Variants in CMAS observed in about 807,000 individuals in gnomAD.
CMAS encodes cytidine monophosphate N-acetylneuraminic acid synthetase, also known as N-acylneuraminate cytidylyltransferase.
In CMAS, 21 loss-of-function variants were observed where a neutral mutation model predicts 53.4. The ratio of observed to expected loss-of-function variants is 0.39; its 90% CI spans 0.28 to 0.57. The LOEUF (loss-of-function observed/expected upper bound fraction) is 0.57, where lower values mean the gene tolerates loss of function less well. Among genes scored for constraint, CMAS ranks in the 20% least tolerant of loss-of-function variants. CMAS has a pLI of 0.56. For missense variants in CMAS, 384 were observed against 534.9 expected, an observed-to-expected ratio of 0.72 and a Z score of 2.78; for synonymous variants, 189 against 195.2, an observed-to-expected ratio of 0.97 and a Z score of 0.27.
At position 22,061,397 on chromosome 12, in the gene CMAS, C is replaced by T; in HGVS notation, c.905C>T (p.Ser302Phe). Reference sequence around the variant, plus strand: ...TCAGGAGACCAAAAAGAAATAATATCTTATGATGTAAAAGATGCTATTGGG... The same window carrying T: ...TCAGGAGACCAAAAAGAAATAATATTTTATGATGTAAAAGATGCTATTGGG... ...YVSGDQKEII[S>F]YDVKDAIGIS... Residue 302 changes from serine to phenylalanine, a missense_variant, in exon 6 of 8, where the codon TCT becomes TTT. By Grantham distance (155) the Ser-to-Phe change is radical (BLOSUM62 -2). Around this residue, in one of 3 missense-constraint regions of CMAS, gnomAD observed 134 missense variants for 154.6 expected, o/e 0.87. Transcript: ENST00000229329. 1 of 1,606,356 alleles carries T rather than the reference C, an allele frequency of 6.2e-7. No individual in the cohort carries two copies. The highest frequency in any genetic ancestry group is 8.5e-7 in the Non-Finnish European group (1 of 1,174,114).
At chr12:22,062,480 ATTAT>A in intron 7 of CMAS, 46 bp downstream of exon 7, 1 of 1,326,516 alleles carries the variant, frequency 7.5e-7, no homozygotes, top group Non-Finnish European at 1.0e-6. Context: ...CCAGGAATTA[ATTAT>A]TTACTTATTT....
chr12:22,055,056 T>C, intron 1 of CMAS, 93 bp from the exon 2 acceptor site: 1 of 848,098 alleles, frequency 1.2e-6, no homozygotes, highest in Non-Finnish European at 1.8e-6. Context: ...TATTCTCACA[T>C]TATATAAGCT....
intron 1 of CMAS, among the ~76,000 whole-genome samples, chr12:22,049,377 T>C (rs912926802): frequency 2.0e-5 from 3 of 152,178 alleles, no homozygotes; most frequent in Non-Finnish European, 4.4e-5. Context: ...CAGCAGGCAT[T>C]GGGGATTTTG....
intron 1 of CMAS, among the ~76,000 whole-genome samples, chr12:22,048,914 A>T (rs565702016): frequency 1.3e-3 from 205 of 152,270 alleles, no homozygotes; most frequent in African/African-American, 4.5e-3. Context: ...AGCACCCCTC[A>T]GTGCCTTTCC....
rs940890700 is a variant in CMAS, at chr12:22,065,426, G to GAT, written c.*126_*127dup. On this transcript the variant is annotated 3_prime_UTR_variant, in exon 8 of 8. Coordinates refer to ENST00000229329, the MANE Select transcript of CMAS (RefSeq NM_018686.6). ...TTACAGAGAGTGTGATTTGGTTTGT[G>GAT]ATATATATATATTGTGCTCTACTTT... 140 of 743,970 alleles carry GAT rather than the reference G, an allele frequency of 1.9e-4. No homozygotes were observed. The highest frequency in any genetic ancestry group is 1.2e-3 in the East Asian group (44 of 38,150). 46.1% of individuals were successfully genotyped at this position (743,970 alleles called of 1,614,324 possible). A position where few individuals can be genotyped will look rare whatever the true frequency, so the allele number is the denominator to read the frequency against.
chr12:22,048,715 G>A (rs1315457894), intron 1 of CMAS, among the ~76,000 whole-genome samples: 1 of 152,100 alleles, frequency 6.6e-6, no homozygotes, highest in Non-Finnish European at 1.5e-5. Flanking sequence ...AGTGAAATGC[G>A]AACATTCTAG....
intron 7 of CMAS, among the ~76,000 whole-genome samples, 155 bp from the exon 8 acceptor site, chr12:22,064,966 A>G (rs1328579812): frequency 1.3e-5 from 2 of 152,166 alleles, no homozygotes; most frequent in Non-Finnish European, 2.9e-5. Flanking sequence ...ACTGTAAAAT[A>G]TTTTTGTTCC....
At chr12:22,057,234 CACACAT>C (rs59127670) in intron 3 of CMAS, among the ~76,000 whole-genome samples, 1,495 of 123,918 alleles carry the variant, frequency 0.012, 15 homozygotes, top group African/African-American at 0.032. Flanking sequence ...ATTACACACA[CACACAT>C]ACACACACAC....
intron 6 of CMAS, among the ~76,000 whole-genome samples, chr12:22,061,811 T>C (rs1950309821): frequency 1.3e-5 from 2 of 152,196 alleles, no homozygotes; most frequent in South Asian, 2.1e-4. Context: ...CTTATTCTTA[T>C]GAATGACATT....
In CMAS at chr12:22,046,591, G is replaced by T; in HGVS notation, c.260+28G>T. ...GCGCATGTGCGAGAGTGGGCGGCGC[G>T]GCCTGGGCGGGGGTCGGGAGAGGGA... On this transcript the variant is annotated intron_variant, in intron 1 of 7. Transcript: ENST00000229329. The T allele has an allele frequency of 2.0e-6, 3 of 1,500,400 alleles. No individual in the cohort carries two copies. The South Asian group carries it at 4.0e-5, about 20-fold the overall frequency. 92.9% of individuals were successfully genotyped at this position (1,500,400 alleles called of 1,614,324 possible).
intron 1 of CMAS, among the ~76,000 whole-genome samples, chr12:22,053,109 C>A (rs539836302): frequency 2.0e-5 from 3 of 152,112 alleles, no homozygotes; most frequent in African/African-American, 7.2e-5. Context: ...TCCTGGCCAA[C>A]ATGGCAAAAC....
chr12:22,046,463 G>A lies in CMAS; in HGVS notation c.160G>A (p.Gly54Ser), dbSNP rs752322303. 1.6e-5 allele frequency: 25 copies of A among 1,610,282 alleles called. No homozygotes were observed. The highest frequency in any genetic ancestry group is 2.0e-5 in the Non-Finnish European group (24 of 1,178,736). The change falls in exon 1 of 8, where the codon GGC (glycine) becomes AGC (serine). Residue 54 changes from glycine (G) to serine (S), a missense_variant. Gly to Ser is a moderately conservative substitution (Grantham distance 56, BLOSUM62 0). Around this residue, in one of 3 missense-constraint regions of CMAS, gnomAD observed 111 missense variants for 132.2 expected, o/e 0.84. Transcript: ENST00000229329. ...HLAALILARG[G>S]SKGIPLKNIK... ...GGCAGCCCTAATTCTGGCCCGGGGAGGCAGCAAAGGCATCCCCCTGAAGAA... is the reference window on the plus strand; with the variant it reads ...GGCAGCCCTAATTCTGGCCCGGGGAAGCAGCAAAGGCATCCCCCTGAAGAA...
chr12:22,061,525 G>C (rs904943400), intron 6 of CMAS, 73 bp downstream of exon 6: 4 of 1,099,326 alleles, frequency 3.6e-6, no homozygotes, highest in Non-Finnish European at 3.7e-6. Flanking sequence ...AAGGAATTAA[G>C]AGATTTAAAT....
chr12:22,050,336 CA>C (rs963653863), intron 1 of CMAS, among the ~76,000 whole-genome samples: 4 of 152,198 alleles, frequency 2.6e-5, no homozygotes, highest in African/African-American at 9.7e-5. Context: ...GTGTGTGCCT[CA>C]CAGGCTTGTG....
chr12:22,057,226 TACACACACACACATACACAC>T (rs1489662904), intron 3 of CMAS, among the ~76,000 whole-genome samples: 34 of 133,850 alleles, frequency 2.5e-4, no homozygotes, highest in African/African-American at 7.5e-4. Context: ...AACCAGCTAT[TACACACACACACATACACAC>T]ACACACACAC....
At chr12:22,053,914 G>A (rs1950251547) in intron 1 of CMAS, among the ~76,000 whole-genome samples, 1 of 149,090 alleles carries the variant, frequency 6.7e-6, no homozygotes, top group Admixed American at 6.7e-5. Flanking sequence ...AACATGGCAG[G>A]GTTTTGTTGT....
At chr12:22,053,334 T>C (rs1950247461) in intron 1 of CMAS, among the ~76,000 whole-genome samples, 1 of 151,384 alleles carries the variant, frequency 6.6e-6, no homozygotes, top group South Asian at 2.1e-4. Context: ...TCAGTAGATA[T>C]CGAAAGAGTG....
intron 1 of CMAS, among the ~76,000 whole-genome samples, chr12:22,054,127 G>C (rs1369931782): frequency 6.6e-6 from 1 of 151,748 alleles, no homozygotes. Flanking sequence ...GGGTTTCACC[G>C]TGTTGGCCAG....
At chr12:22,057,442 A>C (rs1950275630) in intron 3 of CMAS, among the ~76,000 whole-genome samples, 1 of 152,176 alleles carries the variant, frequency 6.6e-6, no homozygotes, top group East Asian at 1.9e-4. Context: ...ATTTTTAACT[A>C]ATGGTAAGAA....
Sources: gnomAD v4.1 joint callset for allele counts (sites outside exome capture counted in the v4.1 genomes callset) on GRCh38, gnomAD v4.1.1 for gene constraint, gnomAD v4.1.1 regional missense constraint, MANE v1.5 for transcripts, NCBI Gene and HGNC (gene_info 2026-07-23, HGNC 2026-07-21) for gene names.